The following FRAS1 variants were observed in gnomAD, a reference collection of about 807,000 sequenced individuals.
The protein encoded by FRAS1 is Fraser extracellular matrix complex subunit 1.
Under a neutral mutation model 435.2 loss-of-function variants are expected in FRAS1, and 290 were observed. The observed-to-expected ratio is 0.67, with a 90% CI of 0.61 to 0.73. The LOEUF is 0.73. Among genes scored for constraint, FRAS1 ranks in the 30% least tolerant of loss-of-function variants. The pLI, the probability that FRAS1 is intolerant of heterozygous loss-of-function variation, is 0.00. For missense variants in FRAS1, 4,860 were observed against 5,001.5 expected (o/e 0.97, Z 0.85); for synonymous variants, 1,800 against 1,851.0 (o/e 0.97, Z 0.71).
intron 20 of FRAS1, among the ~76,000 whole-genome samples, chr4:78,345,862 ATT>A (rs1163338661): frequency 5.5e-5 from 3 of 54,844 alleles, no homozygotes; most frequent in Non-Finnish European, 1.1e-4. Flanking sequence ...TCCTTCCTAA[ATT>A]AAAAAAAAAA....
rs1162059455 is a variant in FRAS1, at chr4:78,363,572, C to T, written c.2482C>T (p.Leu828Phe). 3.7e-6 allele frequency: 6 copies of T among 1,612,976 alleles called. No homozygotes were observed. In the South Asian group the frequency reaches 4.4e-5, roughly 12 times the overall value. The stretch of plus-strand genomic sequence containing the variant: ...TCTCCACAACACTGGGAGCATCTGC[C>T]TCAGGTGCCAGAATGCCCACTACCT... ...ADLHNTGSICLRCQNAHYLLL... is the reference protein window; with the variant it reads ...ADLHNTGSICFRCQNAHYLLL... The change falls in exon 21 of 74, where the codon CTC becomes TTC. Residue 828 changes from leucine to phenylalanine, a missense_variant. Transcript: ENST00000512123.
At chr4:78,208,437 A>G (rs1232707625) in intron 2 of FRAS1, among the ~76,000 whole-genome samples, 1 of 152,240 alleles carries the variant, frequency 6.6e-6, no homozygotes, top group East Asian at 1.9e-4. Flanking sequence ...GATCCAAACC[A>G]GAAGAAATCT....
chr4:78,399,503 GTCA>G (rs1164138797), intron 29 of FRAS1, among the ~76,000 whole-genome samples: 1 of 152,206 alleles, frequency 6.6e-6, no homozygotes, highest in African/African-American at 2.4e-5. Context: ...TGTGGAAAAT[GTCA>G]ATTATGAGGC....
chr4:78,470,050 A>G lies in FRAS1; in HGVS notation c.7330A>G (p.Thr2444Ala). Residue 2444 changes from threonine (T) to alanine (A), a missense_variant, in exon 51 of 74, where the codon ACC (threonine) becomes GCC (alanine). Coordinates refer to ENST00000512123, the MANE Select transcript of FRAS1 (RefSeq NM_025074.7). Reference protein sequence around the residue: ...PVDDGTPRIVTNLGLQWLEYM... With the variant: ...PVDDGTPRIVANLGLQWLEYM... ...AGATGATGGCACGCCTAGAATTGTC[A>G]CCAACCTGGGACTCCAGTGGCTGGA... 1.9e-6 allele frequency: 3 copies of G among 1,613,580 alleles called. No individual in the cohort carries two copies. The highest frequency in any genetic ancestry group is 2.5e-6 in the Non-Finnish European group (3 of 1,179,742).
intron 2 of FRAS1, chr4:78,071,734 T>A (rs1422274562): frequency 6.6e-6 from 1 of 152,208 alleles, no homozygotes; most frequent in Non-Finnish European, 1.5e-5. Context: ...TGTCAATGAA[T>A]TAAAGTTTAA....
intron 69 of FRAS1, among the ~76,000 whole-genome samples, chr4:78,525,768 A>G (rs748493234): frequency 2.0e-5 from 3 of 152,204 alleles, no homozygotes; most frequent in Non-Finnish European, 4.4e-5. Context: ...GCCACCTGAC[A>G]GGGTTGGAGC....
At chr4:78,327,740 C>T (rs1421818143) in intron 18 of FRAS1, among the ~76,000 whole-genome samples, 1 of 152,128 alleles carries the variant, frequency 6.6e-6, no homozygotes, top group African/African-American at 2.4e-5. Context: ...GTTCAGTCTT[C>T]CTTGAAGGAT....
At chr4:78,430,243 C>A in intron 36 of FRAS1, 49 bp from the exon 37 acceptor site, 3 of 1,611,590 alleles carry the variant, frequency 1.9e-6, no homozygotes, top group Non-Finnish European at 2.5e-6. Flanking sequence ...AGTCTATCGT[C>A]TTTAACATAC....
At chr4:78,497,370 A>G (rs893748155) in intron 60 of FRAS1, among the ~76,000 whole-genome samples, 2 of 151,122 alleles carry the variant, frequency 1.3e-5, no homozygotes, top group African/African-American at 4.9e-5. Context: ...TCTTCTCTCT[A>G]ATTGATTTGG....
intron 2 of FRAS1, among the ~76,000 whole-genome samples, chr4:78,229,409 G>T (rs1314753306): frequency 6.6e-6 from 1 of 151,634 alleles, no homozygotes; most frequent in Non-Finnish European, 1.5e-5. Context: ...ATATTTACTT[G>T]GTTAAGGAGG....
At chr4:78,383,851 T>C (rs1434959483) in intron 27 of FRAS1, among the ~76,000 whole-genome samples, 5 of 152,212 alleles carry the variant, frequency 3.3e-5, no homozygotes, top group Non-Finnish European at 7.3e-5. Context: ...TATAAGGAGA[T>C]TTAAGAACAC....
At chr4:78,408,868 A>G (rs1424663626) in intron 31 of FRAS1, among the ~76,000 whole-genome samples, 1 of 152,170 alleles carries the variant, frequency 6.6e-6, no homozygotes. Flanking sequence ...TCACACTTGT[A>G]ATCTCAACAC....
intron 2 of FRAS1, among the ~76,000 whole-genome samples, chr4:78,068,141 G>A (rs868233679): frequency 5.3e-5 from 8 of 152,180 alleles, no homozygotes; most frequent in South Asian, 2.1e-4. Context: ...GAATGCATCT[G>A]TGAACAAACA....
At chr4:78,375,901 G>T (rs1441365577) in intron 26 of FRAS1, 22 bp downstream of exon 26, 4 of 1,612,976 alleles carry the variant, frequency 2.5e-6, no homozygotes, top group Non-Finnish European at 3.4e-6. Context: ...TCCTCAGATG[G>T]TCTGGTGAAT....
In FRAS1 at chr4:78,421,945, C is replaced by T; in HGVS notation, c.4623C>T (p.Tyr1541=). Residue 1541 remains tyrosine, a synonymous_variant, in exon 34 of 74, where the codon TAC becomes TAT. Coordinates refer to ENST00000512123, the MANE Select transcript of FRAS1 (RefSeq NM_025074.7). ...ATATTAACCAGGGCAAAGTCATGTA[C>T]CGCCCTCCCCCGGCAGCACCCCACC... The part of the protein sequence containing the change: ...QEDINQGKVM[Y]RPPPAAPHLQ... 1 of 1,613,746 alleles carries T rather than the reference C, an allele frequency of 6.2e-7. No homozygotes were observed. Among genetic ancestry groups the T allele is most frequent in the African/African-American group, 1.3e-5 (1 of 75,010 alleles).
At chr4:78,206,972 C>G (rs1485917088) in intron 2 of FRAS1, among the ~76,000 whole-genome samples, 1 of 152,118 alleles carries the variant, frequency 6.6e-6, no homozygotes, top group Non-Finnish European at 1.5e-5. Context: ...GGCAATAGGG[C>G]CTAGTTATCC....
intron 19 of FRAS1, among the ~76,000 whole-genome samples, chr4:78,336,542 G>A (rs991319328): frequency 6.6e-6 from 1 of 152,168 alleles, no homozygotes; most frequent in Non-Finnish European, 1.5e-5. Context: ...AGAATGCTAT[G>A]TCTTTTGGAT....
chr4:78,200,608 T>G (rs1022402045), intron 2 of FRAS1, among the ~76,000 whole-genome samples: 1 of 152,268 alleles, frequency 6.6e-6, no homozygotes, highest in African/African-American at 2.4e-5. Context: ...ATGTGATCGA[T>G]CTATTCAAGA....
At chr4:78,517,572 T>C (rs1721248488) in intron 66 of FRAS1, among the ~76,000 whole-genome samples, 1 of 152,222 alleles carries the variant, frequency 6.6e-6, no homozygotes, top group African/African-American at 2.4e-5. Flanking sequence ...AGGAAGAATA[T>C]AGAACTTAGA....
Sources: allele counts gnomAD v4.1 joint callset (sites outside exome capture counted in the v4.1 genomes callset), GRCh38; gene constraint gnomAD v4.1.1; transcripts MANE v1.5; gene names NCBI Gene and HGNC (gene_info 2026-07-23, HGNC 2026-07-21).